The following FTCDNL1 variants were observed in gnomAD, a reference collection of about 807,000 sequenced individuals.
The protein encoded by FTCDNL1 is formiminotransferase N-terminal subdomain-containing protein.
FTCDNL1 carries 11 observed loss-of-function variants against 5.9 expected under a neutral mutation model. The observed-to-expected ratio is 1.87, with a 90% CI of 1.18 to 3.10. The LOEUF is 3.10. Ranked by LOEUF, FTCDNL1 falls within the 30% of genes most tolerant of loss-of-function variation. The probability of loss-of-function intolerance (pLI) is 0.00; values close to 1 mark genes in which losing one functional copy is unlikely to be tolerated. For missense variants in FTCDNL1, 115 were observed against 65.5 expected, an observed-to-expected ratio of 1.76 and a Z score of -2.61; for synonymous variants, 58 against 24.8, an observed-to-expected ratio of 2.34 and a Z score of -3.99.
At chr2:199,780,619 C>A (rs1252634827) in intron 3 of FTCDNL1, among the ~76,000 whole-genome samples, 2 of 152,170 alleles carry the variant, frequency 1.3e-5, no homozygotes, top group African/African-American at 4.8e-5. Flanking sequence ...TCCCTTTGTC[C>A]CTAGGTAGCA....
chr2:199,728,414 T>C, the FTCDNL1 span, among the ~76,000 whole-genome samples: 1 of 151,744 alleles, frequency 6.6e-6, no homozygotes, highest in African/African-American at 2.4e-5. Context: ...GCCTGGCTAA[T>C]TTTTTTTGTA....
At chr2:199,727,787 G>T in the FTCDNL1 span, among the ~76,000 whole-genome samples, 7 of 151,796 alleles carry the variant, frequency 4.6e-5, no homozygotes, top group African/African-American at 1.5e-4. Flanking sequence ...ACTCTTAAAG[G>T]GCTTTTACAT....
the FTCDNL1 span, among the ~76,000 whole-genome samples, chr2:199,690,564 C>A: frequency 1.3e-5 from 2 of 152,138 alleles, no homozygotes; most frequent in African/African-American, 4.8e-5. Flanking sequence ...GAGAGGCTAC[C>A]CTGCCCCATT....
At chr2:199,663,897 A>G in the FTCDNL1 span, among the ~76,000 whole-genome samples, 1 of 152,256 alleles carries the variant, frequency 6.6e-6, no homozygotes, top group African/African-American at 2.4e-5. Context: ...AGAATTTTTC[A>G]TTGTATCGAT....
the FTCDNL1 span, among the ~76,000 whole-genome samples, chr2:199,710,512 G>A: frequency 3.3e-5 from 5 of 152,068 alleles, no homozygotes; most frequent in African/African-American, 1.2e-4. Flanking sequence ...TCAGTAGTTT[G>A]GTAACTCAGT....
chr2:199,756,931 A>C (rs1698093092), downstream of FTCDNL1, among the ~76,000 whole-genome samples: 1 of 152,214 alleles, frequency 6.6e-6, no homozygotes, highest in African/African-American at 2.4e-5. Flanking sequence ...AAGCTACTGC[A>C]TGAAAGTCAC....
At chr2:199,822,261 G>C (rs951328882) in intron 3 of FTCDNL1, among the ~76,000 whole-genome samples, 10 of 152,070 alleles carry the variant, frequency 6.6e-5, no homozygotes, top group Non-Finnish European at 1.5e-4. Flanking sequence ...AAAATTACTT[G>C]GGTGTGGTGG....
intron 3 of FTCDNL1, among the ~76,000 whole-genome samples, chr2:199,770,300 T>A (rs998062858): frequency 1.3e-5 from 2 of 152,178 alleles, no homozygotes; most frequent in Non-Finnish European, 2.9e-5. Context: ...GTAAGTCGAC[T>A]AAGAAGAAAC....
Position 199,811,941 on chromosome 2 carries a change from C to T in FTCDNL1, c.*764G>A, listed in dbSNP as rs1701060504. ...CGACTTACTTGATTGAAATGAAACT[C>T]TTATTTTTAAAATTCCTTCAAAAGC... On this transcript the variant is annotated 3_prime_UTR_variant, in exon 5 of 5. Transcript: ENST00000420128. Among the ~76,000 whole-genome samples the T allele has an allele frequency of 1.3e-5, 2 of 152,200 alleles. No individual in the cohort carries two copies. The highest frequency in any genetic ancestry group is 2.9e-5 in the Non-Finnish European group (2 of 68,036).
the FTCDNL1 span, among the ~76,000 whole-genome samples, chr2:199,716,114 A>G: frequency 1.3e-5 from 2 of 150,918 alleles, no homozygotes; most frequent in Non-Finnish European, 1.5e-5. Context: ...CAGCTTTAGC[A>G]TATTCTGAAT....
At chr2:199,783,923 C>T (rs932294193) in intron 3 of FTCDNL1, among the ~76,000 whole-genome samples, 2 of 152,088 alleles carry the variant, frequency 1.3e-5, no homozygotes, top group African/African-American at 4.8e-5. Flanking sequence ...GGAGTGATCC[C>T]AGAGACTTCA....
chr2:199,775,815 T>C (rs1699031938), intron 3 of FTCDNL1, among the ~76,000 whole-genome samples: 2 of 152,212 alleles, frequency 1.3e-5, no homozygotes, highest in Admixed American at 1.3e-4. Context: ...CATATGTTTC[T>C]TCATTTGTCC....
the FTCDNL1 span, among the ~76,000 whole-genome samples, chr2:199,743,283 A>C: frequency 6.6e-6 from 1 of 152,184 alleles, no homozygotes; most frequent in African/African-American, 2.4e-5. Context: ...TTGAGCTCAA[A>C]TCCAGATCTG....
At chr2:199,765,883 A>G (rs1039739274) in intron 3 of FTCDNL1, among the ~76,000 whole-genome samples, 1 of 151,638 alleles carries the variant, frequency 6.6e-6, no homozygotes, top group Non-Finnish European at 1.5e-5. Context: ...TGTGGTTGTG[A>G]TTCTCCTGCC....
chr2:199,819,499 T>G, intron 4 of FTCDNL1, 73 bp downstream of exon 4: 2 of 667,602 alleles, frequency 3.0e-6, no homozygotes, highest in African/African-American at 1.9e-5. Context: ...ATTAACAGGG[T>G]GTGGCTCATA....
chr2:199,673,562 A>G, the FTCDNL1 span, among the ~76,000 whole-genome samples: 1 of 152,152 alleles, frequency 6.6e-6, no homozygotes, highest in Non-Finnish European at 1.5e-5. Flanking sequence ...CTAGGCATGT[A>G]CTAAAACAAT....
intron 3 of FTCDNL1, among the ~76,000 whole-genome samples, chr2:199,802,989 G>A (rs1700534442): frequency 6.6e-6 from 1 of 151,950 alleles, no homozygotes; most frequent in African/African-American, 2.4e-5. Flanking sequence ...TTCAAGACCA[G>A]CCTGGGCAAC....
chr2:199,790,818 T>C (rs996434146), intron 3 of FTCDNL1, among the ~76,000 whole-genome samples: 8 of 152,118 alleles, frequency 5.3e-5, no homozygotes, highest in East Asian at 1.9e-4. Context: ...GGCAGACACA[T>C]GGGATAAAGA....
At chr2:199,671,360 C>T in the FTCDNL1 span, among the ~76,000 whole-genome samples, 1 of 151,790 alleles carries the variant, frequency 6.6e-6, no homozygotes, top group Non-Finnish European at 1.5e-5. Flanking sequence ...GAAGCATATG[C>T]TTATGATGGG....
Sources: gnomAD v4.1 joint callset for allele counts (sites outside exome capture counted in the v4.1 genomes callset) on GRCh38, gnomAD v4.1.1 for gene constraint, MANE v1.5 for transcripts, NCBI Gene and HGNC (gene_info 2026-07-23, HGNC 2026-07-21) for gene names.